The following PATJ variants were observed in gnomAD, a reference collection of about 807,000 sequenced individuals.
The protein encoded by PATJ is PATJ crumbs cell polarity complex component, also known as inaD-like protein.
PATJ carries 190 observed loss-of-function variants against 224.9 expected under a neutral mutation model. The observed-to-expected ratio is 0.84, with a 90% CI of 0.75 to 0.95. PATJ has a LOEUF of 0.95. Among genes scored for constraint, PATJ ranks in the 40% least tolerant of loss-of-function variants. The pLI, the probability that PATJ is intolerant of heterozygous loss-of-function variation, is 0.00. For missense variants in PATJ, 2,121 were observed against 2,270.3 expected (o/e 0.93, Z 1.34); for synonymous variants, 769 against 820.3 (o/e 0.94, Z 1.07).
In PATJ at chr1:61,920,702, CTTTTTTTTT is replaced by C. The variant is rs71582652; in HGVS notation, c.3570+6053_3570+6061del. On this transcript the variant is annotated intron_variant, in intron 26 of 43. Coordinates refer to ENST00000642238, the MANE Select transcript of PATJ (RefSeq NM_001350145.3). ...AGTGAATCTAGACTTGTATGGAATT[CTTTTTTTTT>C]TTTTTTTTTTTTTTGAGACAGAGTC... 1.7e-3 allele frequency among the ~76,000 whole-genome samples: 156 copies of C among 89,508 alleles called. No individual in the cohort carries two copies. The Middle Eastern group carries it at 0.027, about 16-fold the overall frequency. The allele number at this position is 89,508 out of a possible 152,430, so 58.7% of individuals were successfully genotyped here. A position where few individuals can be genotyped will look rare whatever the true frequency, so the allele number is the denominator to read the frequency against.
chr1:61,996,377 T>G (rs1205577715), intron 28 of PATJ, among the ~76,000 whole-genome samples: 1 of 152,254 alleles, frequency 6.6e-6, no homozygotes, highest in Non-Finnish European at 1.5e-5. Flanking sequence ...CCTGACTTTC[T>G]GCTTGCTGCC....
At chr1:62,146,678 G>C (rs1668073760) in intron 41 of PATJ, among the ~76,000 whole-genome samples, 1 of 152,078 alleles carries the variant, frequency 6.6e-6, no homozygotes, top group African/African-American at 2.4e-5. Flanking sequence ...TCGGGAGGCT[G>C]AGGCAGGAGA....
chr1:62,128,822 G>C lies in PATJ; in HGVS notation c.5167-19G>C. 1 of 1,517,310 alleles carries C rather than the reference G, an allele frequency of 6.6e-7. No individual in the cohort carries two copies. Among genetic ancestry groups the C allele is most frequent in the East Asian group, 2.3e-5 (1 of 44,118 alleles). 94.0% of individuals were successfully genotyped at this position (1,517,310 alleles called of 1,614,324 possible). A position where few individuals can be genotyped will look rare whatever the true frequency, so the allele number is the denominator to read the frequency against. ...TTTTTCTTAATGATAGTGATTTTCTGTCATTTTTGTACTTCCAGGTTGGAG... is the reference window on the plus strand; with the variant it reads ...TTTTTCTTAATGATAGTGATTTTCTCTCATTTTTGTACTTCCAGGTTGGAG... On this transcript the variant is annotated intron_variant, in intron 40 of 43. Transcript: ENST00000642238.
At position 61,828,028 on chromosome 1, in the gene PATJ, C is replaced by T. The variant is rs529134779; in HGVS notation, c.1980+445C>T. On this transcript the variant is annotated intron_variant, in intron 16 of 43. Coordinates refer to ENST00000642238, the MANE Select transcript of PATJ (RefSeq NM_001350145.3). ...TTGGGAGGCCGAGGTGGGTGGAACACCTAAGGTCGGGAGTTGGAGACCAGC... is the reference window on the plus strand; with the variant it reads ...TTGGGAGGCCGAGGTGGGTGGAACATCTAAGGTCGGGAGTTGGAGACCAGC... 1.4e-3 allele frequency among the ~76,000 whole-genome samples: 215 copies of T among 152,160 alleles called. 1 individual carries two copies. The highest frequency in any genetic ancestry group is 5.1e-3 in the African/African-American group (210 of 41,524).
intron 28 of PATJ, among the ~76,000 whole-genome samples, chr1:61,994,814 A>G (rs1645263805): frequency 2.0e-5 from 3 of 152,190 alleles, no homozygotes; most frequent in Admixed American, 6.5e-5. Context: ...TCAGCCTCTC[A>G]AAGTGCTGGG....
chr1:62,023,384 A>T (rs950667741), intron 29 of PATJ, among the ~76,000 whole-genome samples: 4 of 152,324 alleles, frequency 2.6e-5, no homozygotes, highest in African/African-American at 9.6e-5. Context: ...CATGAGTTTA[A>T]CTTTCATAAA....
intron 27 of PATJ, among the ~76,000 whole-genome samples, chr1:61,956,894 A>G (rs867531051): frequency 2.0e-5 from 3 of 152,228 alleles, no homozygotes; most frequent in Non-Finnish European, 2.9e-5. Context: ...CAGGCAGATA[A>G]TCTGTGTTTT....
chr1:61,980,446 T>C (rs1474208684), intron 27 of PATJ, among the ~76,000 whole-genome samples: 1 of 89,680 alleles, frequency 1.1e-5, no homozygotes. Context: ...TTTGTGTGTG[T>C]GTGTGTGTGT....
rs185010513 is a variant in PATJ, at chr1:62,148,866, C to T, written c.5378+476C>T. 1.2e-3 allele frequency among the ~76,000 whole-genome samples: 185 copies of T among 152,226 alleles called. 2 individuals carry two copies. The Middle Eastern group carries it at 0.014, about 11-fold the overall frequency. ...TAAGGGCCGGGCTCAGTGGCTCATGCCTGTAATCCCTGCGTTTTGGGAGGC... is the reference window on the plus strand; with the variant it reads ...TAAGGGCCGGGCTCAGTGGCTCATGTCTGTAATCCCTGCGTTTTGGGAGGC... On this transcript the variant is annotated intron_variant, in intron 42 of 43. Coordinates refer to ENST00000642238, the MANE Select transcript of PATJ (RefSeq NM_001350145.3).
chr1:62,006,144 T>C (rs67562032), intron 28 of PATJ, among the ~76,000 whole-genome samples: 28,105 of 152,216 alleles, frequency 0.18, 2,765 homozygotes, highest in Non-Finnish European at 0.21. Flanking sequence ...GACGCAGTCT[T>C]GCTCTGTCGC....
intron 7 of PATJ, 45 bp from the exon 8 acceptor site, chr1:61,787,709 G>A (rs976543670): frequency 1.4e-6 from 2 of 1,438,766 alleles, no homozygotes; most frequent in African/African-American, 2.8e-5. Flanking sequence ...AACCAGTGAA[G>A]TTACAGCATT....
intron 20 of PATJ, 62 bp downstream of exon 20, chr1:61,864,695 C>G (rs1350877947): frequency 7.0e-7 from 1 of 1,429,062 alleles, no homozygotes; most frequent in African/African-American, 1.4e-5. Flanking sequence ...GTCCCTGTCT[C>G]TAACTCATGT....
chr1:61,943,531 T>C (rs1035010770), intron 27 of PATJ, among the ~76,000 whole-genome samples: 2 of 152,126 alleles, frequency 1.3e-5, no homozygotes, highest in African/African-American at 4.8e-5. Flanking sequence ...GCAGTGAGGC[T>C]GGGGGAGGGG....
chr1:62,071,405 A>T (rs1006579400), intron 31 of PATJ, among the ~76,000 whole-genome samples: 1 of 151,740 alleles, frequency 6.6e-6, no homozygotes, highest in African/African-American at 2.4e-5. Context: ...TCCTGAAATT[A>T]TAGCTACTTT....
chr1:61,911,698 T>TATATATG (rs1225155557), intron 25 of PATJ, among the ~76,000 whole-genome samples: 23 of 112,026 alleles, frequency 2.1e-4, no homozygotes, highest in African/African-American at 1.6e-3. Flanking sequence ...TATATTTTTA[T>TATATATG]ATATATATAT....
intron 41 of PATJ, among the ~76,000 whole-genome samples, chr1:62,134,990 G>A (rs528638794): frequency 3.6e-4 from 32 of 87,962 alleles, no homozygotes; most frequent in Admixed American, 8.3e-4. Context: ...GAGCAGGCGC[G>A]TCATGGCCTA....
chr1:62,148,417 A>G (rs765435135), intron 42 of PATJ, 27 bp downstream of exon 42: 1 of 1,493,036 alleles, frequency 6.7e-7, no homozygotes, highest in Non-Finnish European at 9.4e-7. Context: ...CAGAGGGCCT[A>G]TTATGCATGT....
chr1:62,073,632 T>TTAAA (rs539478618), intron 31 of PATJ, among the ~76,000 whole-genome samples: 3,941 of 151,680 alleles, frequency 0.026, 75 homozygotes, highest in African/African-American at 0.045. Context: ...GACGCTGTCT[T>TTAAA]TAAATAAATA....
chr1:61,819,024 C>A (rs1318572461), intron 14 of PATJ, among the ~76,000 whole-genome samples: 2 of 152,180 alleles, frequency 1.3e-5, no homozygotes, highest in Non-Finnish European at 2.9e-5. Flanking sequence ...GAAGTTGTTA[C>A]CACCATGTAC....
Sources: gnomAD v4.1 joint callset for allele counts (sites outside exome capture counted in the v4.1 genomes callset) on GRCh38, gnomAD v4.1.1 for gene constraint, MANE v1.5 for transcripts, NCBI Gene and HGNC (gene_info 2026-07-23, HGNC 2026-07-21) for gene names.